Variants in KMO observed in about 807,000 individuals in gnomAD.
KMO encodes the protein kynurenine 3-monooxygenase.
A neutral mutation model predicts 57.8 loss-of-function variants in KMO; 24 were observed. The ratio of observed to expected loss-of-function variants is 0.42; its 90% CI spans 0.30 to 0.58. The LOEUF is 0.58. Ranked by LOEUF, KMO falls within the 20% of genes least tolerant of loss-of-function variation. KMO has a pLI of 0.22. For missense variants in KMO, 483 were observed against 588.2 expected, an observed-to-expected ratio of 0.82 and a Z score of 1.85; for synonymous variants, 210 against 193.6, an observed-to-expected ratio of 1.08 and a Z score of -0.70.
rs920402236 is a variant in KMO at position 241,539,389 on chromosome 1, A to AAAAAAC, written c.54+6892_54+6893insAAAACA. On this transcript the variant is annotated intron_variant, in intron 1 of 14. Transcript: ENST00000366559. ...ACGGAGTGAGACTCCGTCTCAAAAA[A>AAAAAAC]ATTCCAGAAAGCAGCAATAGCTACT... 4.0e-5 allele frequency among the ~76,000 whole-genome samples: 6 copies of AAAAAAC among 150,382 alleles called. No homozygotes were observed. The South Asian group carries it at 1.1e-3, about 26-fold the overall frequency.
chr1:241,567,538 C>G (rs545711068), intron 9 of KMO, among the ~76,000 whole-genome samples: 1 of 152,272 alleles, frequency 6.6e-6, no homozygotes, highest in African/African-American at 2.4e-5. Flanking sequence ...GTTAGGGGAG[C>G]ATAAACATTC....
chr1:241,537,392 T>A (rs116293288), intron 1 of KMO, among the ~76,000 whole-genome samples: 390 of 152,306 alleles, frequency 2.6e-3, no homozygotes, highest in African/African-American at 9.1e-3. Flanking sequence ...TTGATTCAAG[T>A]GCATACTTTA....
At chr1:241,575,203 C>G (rs568856880) in intron 10 of KMO, among the ~76,000 whole-genome samples, 1 of 152,058 alleles carries the variant, frequency 6.6e-6, no homozygotes, top group East Asian at 1.9e-4. Flanking sequence ...TTTTGATTGT[C>G]TTTTCAAAGA....
intron 10 of KMO, among the ~76,000 whole-genome samples, chr1:241,577,105 A>AATATCT (rs1354105919): frequency 6.6e-6 from 1 of 152,010 alleles, no homozygotes; most frequent in Non-Finnish European, 1.5e-5. Context: ...TTTTCTGTAA[A>AATATCT]ATATCTATCT....
At chr1:241,551,851 G>C (rs747137398) in intron 4 of KMO, among the ~76,000 whole-genome samples, 5 of 152,244 alleles carry the variant, frequency 3.3e-5, no homozygotes, top group African/African-American at 1.2e-4. Flanking sequence ...ACTCACCCGG[G>C]ATCCTGTTAA....
In KMO at chr1:241,549,786, A is replaced by G. The variant is rs1447051500; in HGVS notation, c.222+12A>G. Reference sequence around the variant, plus strand: ...GCCTGGAAGATCAGGTACTTAATGTATCTTTCTTACAGAAGATAATACCTG... The same window carrying G: ...GCCTGGAAGATCAGGTACTTAATGTGTCTTTCTTACAGAAGATAATACCTG... On this transcript the variant is annotated intron_variant, in intron 3 of 14. Coordinates refer to ENST00000366559, the MANE Select transcript of KMO (RefSeq NM_003679.5). 1 of 1,525,346 alleles carries G rather than the reference A, an allele frequency of 6.6e-7. No individual in the cohort carries two copies. The highest frequency in any genetic ancestry group is 9.1e-7 in the Non-Finnish European group (1 of 1,102,198). 94.5% of individuals were successfully genotyped at this position (1,525,346 alleles called of 1,614,324 possible).
intron 11 of KMO, 70 bp downstream of exon 11, chr1:241,586,806 C>A: frequency 1.9e-6 from 2 of 1,060,974 alleles, no homozygotes; most frequent in South Asian, 1.4e-5. Flanking sequence ...TATTTCTGAT[C>A]CTCAATGATC....
At chr1:241,572,368 G>A (rs1372624672) in intron 10 of KMO, among the ~76,000 whole-genome samples, 1 of 152,036 alleles carries the variant, frequency 6.6e-6, no homozygotes, top group Non-Finnish European at 1.5e-5. Context: ...GTATTAGCAT[G>A]TAGTTGCTCA....
At chr1:241,562,413 C>T (rs1661883197) in intron 7 of KMO, 81 bp downstream of exon 7, 2 of 1,374,500 alleles carry the variant, frequency 1.5e-6, no homozygotes, top group East Asian at 4.6e-5. Flanking sequence ...CAGTGGTTCT[C>T]AGCAGCATGT....
At chr1:241,545,526 T>C (rs549264218) in intron 1 of KMO, among the ~76,000 whole-genome samples, 3 of 152,164 alleles carry the variant, frequency 2.0e-5, no homozygotes, top group Non-Finnish European at 2.9e-5. Flanking sequence ...CACATCATCT[T>C]TCCTCAATGC....
intron 1 of KMO, among the ~76,000 whole-genome samples, chr1:241,535,810 G>C (rs1660732592): frequency 6.6e-6 from 1 of 152,186 alleles, no homozygotes. Flanking sequence ...GCTAGTTCCA[G>C]AAGGTAACTG....
At chr1:241,591,372 A>G (rs1246875373) in intron 14 of KMO, among the ~76,000 whole-genome samples, 1 of 151,942 alleles carries the variant, frequency 6.6e-6, no homozygotes, top group East Asian at 1.9e-4. Context: ...CTACTGTCCA[A>G]TCTCTTGTGA....
intron 1 of KMO, among the ~76,000 whole-genome samples, chr1:241,542,972 G>GT (rs1252020407): frequency 2.0e-5 from 3 of 152,044 alleles, no homozygotes; most frequent in Non-Finnish European, 4.4e-5. Flanking sequence ...CTGAACCGAC[G>GT]TAACACCTAC....
chr1:241,572,157 G>T (rs1347714857), intron 10 of KMO, among the ~76,000 whole-genome samples: 1 of 151,962 alleles, frequency 6.6e-6, no homozygotes, highest in Non-Finnish European at 1.5e-5. Context: ...GAGCCACCAC[G>T]CCCGGGCAAT....
chr1:241,534,588 A>C (rs1404984011), intron 1 of KMO, among the ~76,000 whole-genome samples: 1 of 152,110 alleles, frequency 6.6e-6, no homozygotes, highest in Non-Finnish European at 1.5e-5. Flanking sequence ...TTCTTCTTTC[A>C]CTCCATCAGT....
chr1:241,542,706 T>TA (rs1474615163), intron 1 of KMO, among the ~76,000 whole-genome samples: 1 of 152,228 alleles, frequency 6.6e-6, no homozygotes, highest in Non-Finnish European at 1.5e-5. Context: ...TCTCCTGTGC[T>TA]GTCCTCCTTC....
chr1:241,567,496 C>G (rs912668425), intron 9 of KMO, among the ~76,000 whole-genome samples: 1 of 152,194 alleles, frequency 6.6e-6, no homozygotes, highest in Non-Finnish European at 1.5e-5. Context: ...CAAATACCAT[C>G]ACATTGGAGA....
At position 241,562,433 on chromosome 1, in the gene KMO, T is replaced by C; in HGVS notation, c.615+101T>C. On this transcript the variant is annotated intron_variant, in intron 7 of 14. Transcript: ENST00000366559. ...GTTCTCAGCAGCATGTCTTGATCCA[T>C]TTTGAGGCCTATCACAAGAACTTTG... is the stretch of plus-strand genomic sequence containing the variant. The C allele has an allele frequency of 3.5e-6, 4 of 1,144,790 alleles. No individual in the cohort carries two copies. The South Asian group carries it at 5.9e-5, about 17-fold the overall frequency. The allele number at this position is 1,144,790 out of a possible 1,614,324, so 70.9% of individuals were successfully genotyped here. A position where few individuals can be genotyped will look rare whatever the true frequency, so the allele number is the denominator to read the frequency against.
rs1436513199 is a variant in KMO at position 241,594,767 on chromosome 1, G to T, written c.*2614G>T. On this transcript the variant is annotated 3_prime_UTR_variant, in exon 15 of 15. Coordinates refer to ENST00000366559, the MANE Select transcript of KMO (RefSeq NM_003679.5). Reference sequence around the variant, plus strand: ...TCTGGATTAACATTCGAGGAAATCAGTTGAGCTGAATTTAAGTTGTTTTTT... The same window carrying T: ...TCTGGATTAACATTCGAGGAAATCATTTGAGCTGAATTTAAGTTGTTTTTT... The T allele has an allele frequency of 6.6e-7, 1 of 1,523,306 alleles. No homozygotes were observed. The highest frequency in any genetic ancestry group is 1.4e-5 in the African/African-American group (1 of 72,234). The allele number at this position is 1,523,306 out of a possible 1,614,324, so 94.4% of individuals were successfully genotyped here. A position where few individuals can be genotyped will look rare whatever the true frequency, so the allele number is the denominator to read the frequency against.
Sources: allele counts gnomAD v4.1 joint callset (sites outside exome capture counted in the v4.1 genomes callset), GRCh38; gene constraint gnomAD v4.1.1; transcripts MANE v1.5; gene names NCBI Gene and HGNC (gene_info 2026-07-23, HGNC 2026-07-21).